The following EP400 variants were observed in gnomAD, a reference collection of about 807,000 sequenced individuals.
EP400 encodes the protein E1A binding protein p400, also known as E1A-binding protein p400.
In EP400, 105 loss-of-function variants were observed where a neutral mutation model predicts 354.1. That is an observed-to-expected ratio of 0.30 (90% CI 0.25 to 0.35). The LOEUF (loss-of-function observed/expected upper bound fraction) is 0.35. Ranked by LOEUF, EP400 falls within the 10% of genes least tolerant of loss-of-function variation. The pLI, the probability that EP400 is intolerant of heterozygous loss-of-function variation, is 1.00. For missense variants in EP400, 3,280 were observed against 4,121.0 expected (o/e 0.80, Z 5.59); for synonymous variants, 1,646 against 1,716.9 (o/e 0.96, Z 1.02).
intron 37 of EP400, 86 bp downstream of exon 37, chr12:132,045,039 G>T (rs1593370422): frequency 4.5e-6 from 6 of 1,320,658 alleles, no homozygotes; most frequent in East Asian, 2.9e-5. Flanking sequence ...CTGTCTGCCT[G>T]TCTGCTGTCT....
In EP400 at chr12:131,990,565, G is replaced by A; in HGVS notation, c.2551-71G>A. ...TCAGACTCTGCTTATGTGCTTTAGTGTTTTGTATGCAGAACGTCTGTAATT... is the reference window on the plus strand; with the variant it reads ...TCAGACTCTGCTTATGTGCTTTAGTATTTTGTATGCAGAACGTCTGTAATT... On this transcript the variant is annotated intron_variant, in intron 8 of 52. Transcript: ENST00000389561. This position sits in a 1 kb window ranked among gnomAD's most constrained non-coding sequence, Gnocchi z 4.2. 1 of 1,179,810 alleles carries A rather than the reference G, an allele frequency of 8.5e-7. No homozygotes were observed. 73.1% of individuals were successfully genotyped at this position (1,179,810 alleles called of 1,614,324 possible).
rs778730154 is a variant in EP400 at position 132,062,587 on chromosome 12, G to GCAGCAGCAA, written c.8225_8226insGCAACAGCA (p.Gln2746_Gln2748dup). 1.0e-4 allele frequency: 162 copies of GCAGCAGCAA among 1,596,894 alleles called. 1 individual carries two copies. The highest frequency in any genetic ancestry group is 2.2e-4 in the Admixed American group (13 of 59,494). On this transcript the variant is annotated inframe_insertion, in exon 47 of 53. Transcript: ENST00000389561. ...AGCAGCAGCAGCAGCAGCAGCAGCA[G>GCAGCAGCAA]CAGCAACAGCAGCAGCAGCAACAGA...
chr12:132,027,544 G>A lies in EP400; in HGVS notation c.5109+13G>A, dbSNP rs2136551855. Reference sequence around the variant, plus strand: ...AGGGCCGACCCAGGTAAGCACCTGAGCTTGAGACCCCGGTGCACGTGGACA... The same window carrying A: ...AGGGCCGACCCAGGTAAGCACCTGAACTTGAGACCCCGGTGCACGTGGACA... On this transcript the variant is annotated intron_variant, in intron 26 of 52. Coordinates refer to ENST00000389561, the MANE Select transcript of EP400 (RefSeq NM_015409.5). The surrounding 1 kb of genome is among the most constrained non-coding windows in gnomAD (Gnocchi z 4.9). 1.2e-6 allele frequency: 2 copies of A among 1,602,402 alleles called. No homozygotes were observed. The highest frequency in any genetic ancestry group is 1.7e-6 in the Non-Finnish European group (2 of 1,173,254).
chr12:131,968,251 T>G (rs1487565744), intron 2 of EP400, among the ~76,000 whole-genome samples: 2 of 152,240 alleles, frequency 1.3e-5, no homozygotes, highest in East Asian at 3.8e-4. Flanking sequence ...TATGATTTAT[T>G]TTGCGTAAAA....
At chr12:131,982,034 A>C in intron 4 of EP400, 59 bp from the exon 5 acceptor site, 1 of 1,495,962 alleles carries the variant, frequency 6.7e-7, no homozygotes, top group Non-Finnish European at 8.9e-7. Flanking sequence ...CTTGTGACTC[A>C]TTGGTAGAAG....
chr12:132,021,113 C>T lies in EP400; in HGVS notation c.4482C>T (p.Ser1494=), dbSNP rs200678324. The T allele has an allele frequency of 1.9e-5, 30 of 1,599,962 alleles. No homozygotes were observed. The highest frequency in any genetic ancestry group is 3.3e-4 in the Middle Eastern group (2 of 6,082). The change falls in exon 23 of 53, where the codon TCC becomes TCT. Residue 1494 remains serine (S), a synonymous_variant. Coordinates refer to ENST00000389561, the MANE Select transcript of EP400 (RefSeq NM_015409.5). ...AAAPFQTSQA[S]ASAPRHQPAS... ...CCCCGTTTCAGACCTCTCAGGCTTC[C>T]GCCAGTGCTCCACGACACCAGCCCG...
chr12:132,012,188 G>A (rs1047801328), intron 16 of EP400, among the ~76,000 whole-genome samples: 22 of 152,286 alleles, frequency 1.4e-4, no homozygotes, highest in Middle Eastern at 3.4e-3. Flanking sequence ...GTTGAGTAGT[G>A]TTTACTGAAA....
chr12:132,053,951 T>TA (rs1895396473), intron 43 of EP400, among the ~76,000 whole-genome samples: 1 of 152,214 alleles, frequency 6.6e-6, no homozygotes, highest in Non-Finnish European at 1.5e-5. Flanking sequence ...CCTACACACT[T>TA]AGAGAGCAGG....
At chr12:132,023,297 T>TA (rs1224784381) in intron 23 of EP400, among the ~76,000 whole-genome samples, 9 of 136,964 alleles carry the variant, frequency 6.6e-5, no homozygotes, top group African/African-American at 2.7e-4. Context: ...CATGCCCAGC[T>TA]AATTTTTTTT....
intron 34 of EP400, among the ~76,000 whole-genome samples, chr12:132,043,948 G>C (rs1202465337): frequency 6.6e-6 from 1 of 152,214 alleles, no homozygotes; most frequent in African/African-American, 2.4e-5. Context: ...TCCCCTCGTA[G>C]GGACCGTGGA....
Position 132,020,977 on chromosome 12 carries a change from G to A in EP400, c.4448-102G>A, listed in dbSNP as rs576844078. ...AGAGGGGACTTCTCATTTGAGAGAC[G>A]GTGTGAAATGTTTATTTTATTTCTT... On this transcript the variant is annotated intron_variant, in intron 22 of 52. Transcript: ENST00000389561. 1.0e-4 allele frequency: 140 copies of A among 1,388,482 alleles called. 1 individual carries two copies. In the Admixed American group the frequency reaches 4.0e-3, roughly 39 times the overall value. 86.0% of individuals were successfully genotyped at this position (1,388,482 alleles called of 1,614,324 possible).
intron 39 of EP400, among the ~76,000 whole-genome samples, chr12:132,048,136 T>C (rs1448234285): frequency 6.6e-6 from 1 of 152,184 alleles, no homozygotes; most frequent in Non-Finnish European, 1.5e-5. Flanking sequence ...ACAAACAATT[T>C]GTGCAGTTAA....
At chr12:132,010,811 G>A (rs941913446) in intron 15 of EP400, among the ~76,000 whole-genome samples, 1 of 152,226 alleles carries the variant, frequency 6.6e-6, no homozygotes, top group Admixed American at 6.5e-5. Flanking sequence ...GCATGATGGC[G>A]TGTGCCTGTA....
intron 51 of EP400, 83 bp from the exon 52 acceptor site, chr12:132,076,433 T>G: frequency 2.2e-6 from 3 of 1,385,462 alleles, no homozygotes; most frequent in East Asian, 2.4e-5. Flanking sequence ...TTGCATTAAC[T>G]GAGGACAGAA....
At chr12:132,048,178 C>T (rs1895173835) in intron 39 of EP400, among the ~76,000 whole-genome samples, 1 of 152,192 alleles carries the variant, frequency 6.6e-6, no homozygotes, top group Non-Finnish European at 1.5e-5. Flanking sequence ...AGGCGACATA[C>T]ATCCCCCTCA....
rs373358056 is a variant in EP400, at chr12:132,055,501, GGT to G, written c.7884+305_7884+306del. Among the ~76,000 whole-genome samples, 631 of 128,326 alleles carry G rather than the reference GGT, an allele frequency of 4.9e-3. 19 individuals are homozygous for G. In the South Asian group the frequency reaches 0.069, roughly 14 times the overall value. The allele number at this position is 128,326 out of a possible 152,430, so 84.2% of individuals were successfully genotyped here. A position where few individuals can be genotyped will look rare whatever the true frequency, so the allele number is the denominator to read the frequency against. Reference sequence around the variant, plus strand: ...GGTGTAGGGGTGTGTGTGAGGTGTAGGTGTGTGTGTGTGAGGTGTAGGGGTGT... The same window carrying G: ...GGTGTAGGGGTGTGTGTGAGGTGTAGGTGTGTGTGTGAGGTGTAGGGGTGT... On this transcript the variant is annotated intron_variant, in intron 45 of 52. Coordinates refer to ENST00000389561, the MANE Select transcript of EP400 (RefSeq NM_015409.5).
At chr12:132,004,750 G>C (rs900846125) in intron 12 of EP400, among the ~76,000 whole-genome samples, 4 of 152,174 alleles carry the variant, frequency 2.6e-5, no homozygotes, top group Non-Finnish European at 5.9e-5. Context: ...CTGTGTAGTG[G>C]TGAAGTCTGG....
chr12:131,974,842 T>C (rs755967133), intron 2 of EP400, among the ~76,000 whole-genome samples: 8 of 151,668 alleles, frequency 5.3e-5, no homozygotes, highest in Non-Finnish European at 1.0e-4. Flanking sequence ...TACAAAAAAT[T>C]AGCCGGGCTT....
At chr12:132,056,425 GCACA>G (rs10660680) in intron 45 of EP400, among the ~76,000 whole-genome samples, 15 of 148,610 alleles carry the variant, frequency 1.0e-4, no homozygotes, top group Admixed American at 2.0e-4. Flanking sequence ...CACAACACAC[GCACA>G]CACACACACA....
Sources: allele counts gnomAD v4.1 joint callset (sites outside exome capture counted in the v4.1 genomes callset), GRCh38; gene constraint gnomAD v4.1.1; non-coding constraint Gnocchi (gnomAD v3.1); transcripts MANE v1.5; gene names NCBI Gene and HGNC (gene_info 2026-07-23, HGNC 2026-07-21).